CSNK2A2IP: variants seen among roughly 807,000 people sequenced by gnomAD.
CSNK2A2IP encodes casein kinase II subunit alpha'-interacting protein.
the CSNK2A2IP span, among the ~76,000 whole-genome samples, chr3:88,360,593 TCG>T: frequency 1.3e-5 from 2 of 152,158 alleles, no homozygotes; most frequent in Non-Finnish European, 2.9e-5. Flanking sequence ...CAGCATGTAG[TCG>T]GATCTTGTTT....
the CSNK2A2IP span, among the ~76,000 whole-genome samples, chr3:88,395,545 T>C: frequency 1.3e-5 from 2 of 152,204 alleles, no homozygotes; most frequent in African/African-American, 2.4e-5. Context: ...TCAGATAACA[T>C]AAATTTGCTT....
At chr3:88,340,567 G>A in the CSNK2A2IP span, among the ~76,000 whole-genome samples, 120 of 151,962 alleles carry the variant, frequency 7.9e-4, 1 homozygote, top group Non-Finnish European at 3.1e-4. Context: ...TGCTGTGATC[G>A]GGAGCTATTT....
the CSNK2A2IP span, among the ~76,000 whole-genome samples, chr3:88,386,228 G>T: frequency 6.6e-6 from 1 of 151,858 alleles, no homozygotes; most frequent in Non-Finnish European, 1.5e-5. Context: ...AGGTTCAAGC[G>T]ATTCTCCCGC....
chr3:88,340,553 C>T, the CSNK2A2IP span, among the ~76,000 whole-genome samples: 1 of 151,974 alleles, frequency 6.6e-6, no homozygotes, highest in Admixed American at 6.6e-5. Context: ...TAAGATATCA[C>T]TGGTGCTGTG....
chr3:88,341,806 G>GTAAC, the CSNK2A2IP span, among the ~76,000 whole-genome samples: 1 of 151,922 alleles, frequency 6.6e-6, no homozygotes, highest in Admixed American at 6.6e-5. Flanking sequence ...TTTCTGAAAA[G>GTAAC]TAACTAGTTG....
the CSNK2A2IP span, among the ~76,000 whole-genome samples, chr3:88,458,919 G>A: frequency 6.6e-6 from 1 of 152,100 alleles, no homozygotes; most frequent in Non-Finnish European, 1.5e-5. Context: ...CAATATTGCT[G>A]TGAATATTCC....
chr3:88,461,336 G>A, the CSNK2A2IP span, among the ~76,000 whole-genome samples: 1 of 152,022 alleles, frequency 6.6e-6, no homozygotes, highest in Admixed American at 6.6e-5. Context: ...GGTGGATCAT[G>A]AGGTCAGGAG....
the CSNK2A2IP span, among the ~76,000 whole-genome samples, chr3:88,345,709 T>C: frequency 6.6e-6 from 1 of 151,948 alleles, no homozygotes; most frequent in African/African-American, 2.4e-5. Flanking sequence ...CTCCATCAAC[T>C]GGACATTCCC....
chr3:88,429,312 A>T, the CSNK2A2IP span, among the ~76,000 whole-genome samples: 2 of 152,072 alleles, frequency 1.3e-5, no homozygotes, highest in African/African-American at 4.8e-5. Flanking sequence ...CCCAGAAATG[A>T]GTTTTCATAT....
chr3:88,339,980 T>A, the CSNK2A2IP span, among the ~76,000 whole-genome samples: 1 of 152,000 alleles, frequency 6.6e-6, no homozygotes, highest in Non-Finnish European at 1.5e-5. Context: ...AAGCTAATGT[T>A]TTTAGATATG....
the CSNK2A2IP span, among the ~76,000 whole-genome samples, chr3:88,403,160 G>C: frequency 6.6e-6 from 1 of 151,938 alleles, no homozygotes; most frequent in South Asian, 2.1e-4. Context: ...TATGCTTATA[G>C]CACAGGAAGG....
At chr3:88,341,901 T>C in the CSNK2A2IP span, among the ~76,000 whole-genome samples, 1 of 152,144 alleles carries the variant, frequency 6.6e-6, no homozygotes, top group Non-Finnish European at 1.5e-5. Context: ...TATATTGATG[T>C]GTTTTTACTT....
At chr3:88,368,174 T>C in the CSNK2A2IP span, among the ~76,000 whole-genome samples, 1 of 152,008 alleles carries the variant, frequency 6.6e-6, no homozygotes, top group East Asian at 1.9e-4. Flanking sequence ...AATTGAGATG[T>C]CTTTCAGTTA....
the CSNK2A2IP span, among the ~76,000 whole-genome samples, chr3:88,437,310 A>G: frequency 6.6e-6 from 1 of 152,210 alleles, no homozygotes; most frequent in Non-Finnish European, 1.5e-5. Context: ...AATTTATCTT[A>G]CTGGAGGGCC....
the CSNK2A2IP span, among the ~76,000 whole-genome samples, chr3:88,396,817 A>G: frequency 2.0e-5 from 3 of 152,202 alleles, no homozygotes; most frequent in Non-Finnish European, 4.4e-5. Flanking sequence ...GTAAAGCCAT[A>G]GTTGAATTAG....
chr3:88,354,059 C>T, the CSNK2A2IP span, among the ~76,000 whole-genome samples: 2 of 152,196 alleles, frequency 1.3e-5, no homozygotes. Context: ...CTCTGTCTCT[C>T]TCTCTTGCTC....
the CSNK2A2IP span, among the ~76,000 whole-genome samples, chr3:88,385,689 A>C: frequency 6.6e-6 from 1 of 152,232 alleles, no homozygotes; most frequent in East Asian, 1.9e-4. Context: ...AATGCAGCTG[A>C]TGGAATGAAA....
chr3:88,415,027 A>C, the CSNK2A2IP span, among the ~76,000 whole-genome samples: 1 of 152,010 alleles, frequency 6.6e-6, no homozygotes, highest in Non-Finnish European at 1.5e-5. Context: ...AAACCCACAC[A>C]CACACACACA....
the CSNK2A2IP span, among the ~76,000 whole-genome samples, chr3:88,374,269 G>T: frequency 6.6e-6 from 1 of 151,598 alleles, no homozygotes; most frequent in Non-Finnish European, 1.5e-5. Flanking sequence ...TGTATATTTC[G>T]GTGCGAGGCA....
Sources: gnomAD v4.1 joint callset for allele counts (sites outside exome capture counted in the v4.1 genomes callset) on GRCh38, gnomAD v4.1.1 for gene constraint, MANE v1.5 for transcripts, NCBI Gene and HGNC (gene_info 2026-07-23, HGNC 2026-07-21) for gene names.